The following FAN1 variants were observed in gnomAD, a reference collection of about 807,000 sequenced individuals.
FAN1 encodes fanconi-associated nuclease 1.
A neutral mutation model predicts 104.9 loss-of-function variants in FAN1; 91 were observed. That is an observed-to-expected ratio of 0.87 (90% CI 0.73 to 1.03). The LOEUF is 1.03. FAN1 is among the 50% of genes least tolerant of loss of function. The probability of loss-of-function intolerance (pLI) is 0.00; values close to 1 mark genes in which losing one functional copy is unlikely to be tolerated. For missense variants in FAN1, 1,263 were observed against 1,239.9 expected, an observed-to-expected ratio of 1.02 and a Z score of -0.28; for synonymous variants, 478 against 457.6, an observed-to-expected ratio of 1.04 and a Z score of -0.57.
At chr15:30,928,324 C>A in intron 10 of FAN1, 1 of 1,296,158 alleles carries the variant, frequency 7.7e-7, no homozygotes, top group Non-Finnish European at 9.7e-7. Flanking sequence ...TTGAATTTTT[C>A]TATGATTACT....
intron 3 of FAN1, among the ~76,000 whole-genome samples, chr15:30,908,567 C>G (rs895974561): frequency 6.6e-6 from 1 of 152,118 alleles, no homozygotes; most frequent in Non-Finnish European, 1.5e-5. Flanking sequence ...ACATCCCGGC[C>G]GGGCACGGTG....
intron 3 of FAN1, among the ~76,000 whole-genome samples, chr15:30,909,873 C>T (rs926988312): frequency 1.3e-5 from 2 of 152,224 alleles, no homozygotes; most frequent in Non-Finnish European, 2.9e-5. Flanking sequence ...TACAGCCAGC[C>T]TCCTGCCAGC....
Position 30,908,190 on chromosome 15 carries a change from A to G in FAN1, c.1307A>G (p.Tyr436Cys). ...TGGATTAAGATGACCAAATTAGAGTATGAAGAGATTGCCTTAGACTTAACA... is the reference window on the plus strand; with the variant it reads ...TGGATTAAGATGACCAAATTAGAGTGTGAAGAGATTGCCTTAGACTTAACA... ...LSWIKMTKLE[Y>C]EEIALDLTPV... Residue 436 changes from tyrosine to cysteine, a missense_variant, in exon 3 of 15, where the codon TAT becomes TGT. Physicochemically the swap from Tyr to Cys is radical, Grantham distance 194. Around this residue, in one of 2 missense-constraint regions of FAN1, gnomAD observed 682 missense variants for 571.1 expected, o/e 1.19. Transcript: ENST00000362065. The G allele has an allele frequency of 6.2e-7, 1 of 1,611,934 alleles. No homozygotes were observed. The highest frequency in any genetic ancestry group is 1.1e-5 in the South Asian group (1 of 90,232).
intron 3 of FAN1, 64 bp downstream of exon 3, chr15:30,908,322 T>C (rs2062027730): frequency 7.1e-7 from 1 of 1,414,402 alleles, no homozygotes; most frequent in Non-Finnish European, 9.5e-7. Context: ...TTCTGCAGAA[T>C]GATGGCAGTA....
At chr15:30,908,832 ACT>A (rs1410453443) in intron 3 of FAN1, among the ~76,000 whole-genome samples, 2 of 152,116 alleles carry the variant, frequency 1.3e-5, no homozygotes, top group South Asian at 2.1e-4. Context: ...CCAGAGTGAA[ACT>A]CTGTCTCAAA....
At chr15:30,937,303 T>G (rs1697655472) in intron 14 of FAN1, 44 bp downstream of exon 14, 1 of 1,552,294 alleles carries the variant, frequency 6.4e-7, no homozygotes, top group Non-Finnish European at 8.8e-7. Context: ...TGTAAGATTT[T>G]CAAGAGTATA....
In FAN1 at chr15:30,928,963, C is replaced by G. The variant is rs79166131; in HGVS notation, c.2593-240C>G. Among the ~76,000 whole-genome samples the G allele has an allele frequency of 0.017, 2,550 of 152,328 alleles. 72 individuals are homozygous for G. The highest frequency in any genetic ancestry group is 0.059 in the African/African-American group (2,431 of 41,550). ...GGCACTGTGCCAAGGAGCTCACAGA[C>G]ATGGGCACATCTGCCTGTTCAGAGG... On this transcript the variant is annotated intron_variant, in intron 11 of 14. Transcript: ENST00000362065.
chr15:30,929,432 A>G (rs1392281817), intron 12 of FAN1, 35 bp downstream of exon 12: 1 of 1,548,760 alleles, frequency 6.5e-7, no homozygotes, highest in Non-Finnish European at 8.8e-7. Flanking sequence ...ATTTGCTCAG[A>G]AAGTTAACAC....
intron 14 of FAN1, chr15:30,940,136 ACAGT>A (rs1334692452): frequency 1.6e-5 from 16 of 985,346 alleles, no homozygotes; most frequent in African/African-American, 3.5e-5. Context: ...AGTTTAAGAA[ACAGT>A]CAAATTTGAA....
At chr15:30,909,491 G>C (rs1165615237) in intron 3 of FAN1, among the ~76,000 whole-genome samples, 1 of 152,196 alleles carries the variant, frequency 6.6e-6, no homozygotes, top group Non-Finnish European at 1.5e-5. Context: ...GGAAAATGTG[G>C]TGCAGCTTCC....
chr15:30,922,729 T>C (rs1371403719), intron 8 of FAN1, among the ~76,000 whole-genome samples: 2 of 152,268 alleles, frequency 1.3e-5, no homozygotes, highest in African/African-American at 2.4e-5. Context: ...TTTGTTGATT[T>C]GTAGCACAGG....
At chr15:30,920,987 T>G (rs1386309607) in intron 7 of FAN1, among the ~76,000 whole-genome samples, 2 of 152,212 alleles carry the variant, frequency 1.3e-5, no homozygotes, top group African/African-American at 4.8e-5. Flanking sequence ...TTTCACCATG[T>G]TGCTCAGGCT....
intron 2 of FAN1, chr15:30,906,612 G>A: frequency 2.3e-6 from 1 of 436,854 alleles, no homozygotes; most frequent in South Asian, 1.6e-5. Context: ...TAGTCACACT[G>A]TCGTTTAGTA....
At chr15:30,936,223 G>A (rs2062849441) in intron 13 of FAN1, among the ~76,000 whole-genome samples, 1 of 152,144 alleles carries the variant, frequency 6.6e-6, no homozygotes, top group Non-Finnish European at 1.5e-5. Flanking sequence ...TGAATGCCAT[G>A]AAAGAAGTGC....
intron 7 of FAN1, among the ~76,000 whole-genome samples, chr15:30,921,150 G>A (rs2062321474): frequency 6.6e-6 from 1 of 152,178 alleles, no homozygotes; most frequent in Non-Finnish European, 1.5e-5. Context: ...TCTTGGATTA[G>A]TAGAGAGAAG....
chr15:30,927,671 G>T (rs2062499701), intron 10 of FAN1: 1 of 985,546 alleles, frequency 1.0e-6, no homozygotes, highest in African/African-American at 1.7e-5. Context: ...CAGGATGGGG[G>T]TCTGGTGGTC....
At chr15:30,939,986 A>G in intron 14 of FAN1, 4 of 979,252 alleles carry the variant, frequency 4.1e-6, no homozygotes, top group Non-Finnish European at 4.9e-6. Flanking sequence ...TCAAATTTTA[A>G]AAGGCAAATA....
chr15:30,925,282 T>A lies in FAN1; in HGVS notation c.2328T>A (p.Asp776Glu). 3.1e-6 allele frequency: 5 copies of A among 1,613,980 alleles called. No individual in the cohort carries two copies. The highest frequency in any genetic ancestry group is 4.2e-6 in the Non-Finnish European group (5 of 1,179,944). ...FQQLPEMAVQ[D>E]VKHVTITGRL... ...AGCTCCCAGAAATGGCTGTGCAAGA[T>A]GTGAAACACGTGAGGAAAGAGCCTG... Residue 776 changes from aspartate (D) to glutamate (E), a missense_variant, in exon 9 of 15, where the codon GAT (aspartate) becomes GAA (glutamate). Asp to Glu is a conservative substitution (Grantham distance 45). Around this residue, in one of 2 missense-constraint regions of FAN1, gnomAD observed 581 missense variants for 668.8 expected, o/e 0.87. Coordinates refer to ENST00000362065, the MANE Select transcript of FAN1 (RefSeq NM_014967.5).
intron 14 of FAN1, chr15:30,941,052 C>G: frequency 2.5e-6 from 3 of 1,190,256 alleles, no homozygotes; most frequent in Non-Finnish European, 3.2e-6. Flanking sequence ...ATGAATACTT[C>G]CTAAAACCTG....
Sources: allele counts gnomAD v4.1 joint callset (sites outside exome capture counted in the v4.1 genomes callset), GRCh38; gene constraint gnomAD v4.1.1; regional missense constraint gnomAD v4.1.1; transcripts MANE v1.5; gene names NCBI Gene and HGNC (gene_info 2026-07-23, HGNC 2026-07-21).